Variants in BTBD3 observed in about 807,000 individuals in gnomAD.
BTBD3 encodes BTB/POZ domain-containing protein 3.
A neutral mutation model predicts 41.6 loss-of-function variants in BTBD3; 14 were observed. The ratio of observed to expected loss-of-function variants is 0.34; its 90% confidence interval spans 0.22 to 0.53. The LOEUF (loss-of-function observed/expected upper bound fraction) is 0.53. BTBD3 is among the 20% of genes least tolerant of loss of function. BTBD3 has a pLI of 0.95. For synonymous variants in BTBD3, 249 were observed against 233.7 expected, an observed-to-expected ratio of 1.07 and a Z score of -0.60; for missense variants, 426 against 654.7, an observed-to-expected ratio of 0.65 and a Z score of 3.81.
chr20:11,904,750 AT>A (rs1367427043), intron 1 of BTBD3, among the ~76,000 whole-genome samples: 1 of 152,188 alleles, frequency 6.6e-6, no homozygotes, highest in African/African-American at 2.4e-5. Flanking sequence ...GGAAAAGAAT[AT>A]TTTAATAGCA....
At chr20:11,918,707 C>T in intron 1 of BTBD3, 106 bp downstream of exon 1, 3 of 1,257,014 alleles carry the variant, frequency 2.4e-6, no homozygotes, top group African/African-American at 1.5e-5. Flanking sequence ...TCCTCTTTTC[C>T]CAGAAGCTTT....
intron 1 of BTBD3, among the ~76,000 whole-genome samples, chr20:11,903,662 A>G (rs1289156047): frequency 1.3e-5 from 2 of 151,866 alleles, no homozygotes; most frequent in Non-Finnish European, 2.9e-5. Context: ...GGCTGTATGC[A>G]GTGGCATGAT....
intron 1 of BTBD3, among the ~76,000 whole-genome samples, chr20:11,892,056 A>T (rs1252360042): frequency 1.3e-5 from 2 of 152,220 alleles, no homozygotes; most frequent in African/African-American, 4.8e-5. Flanking sequence ...TTAGTTTCAC[A>T]TAGTAGTAGC....
chr20:11,903,300 C>T (rs1385027642), intron 1 of BTBD3, among the ~76,000 whole-genome samples: 1 of 152,140 alleles, frequency 6.6e-6, no homozygotes, highest in Non-Finnish European at 1.5e-5. Context: ...TTATCTTAAA[C>T]ATTGGCAGCC....
intron 1 of BTBD3, among the ~76,000 whole-genome samples, chr20:11,898,326 A>T (rs2056801762): frequency 6.6e-6 from 1 of 151,958 alleles, no homozygotes; most frequent in Non-Finnish European, 1.5e-5. Flanking sequence ...AGGTCTTTGC[A>T]CTGGACTTTT....
At position 11,918,264 on chromosome 20, in the gene BTBD3, C is replaced by T. The variant is rs766945492; in HGVS notation, c.-12C>T. On this transcript the variant is annotated 5_prime_UTR_variant, in exon 1 of 4. Transcript: ENST00000378226. ...TGGGATATCTAACTCTAAAGAGAGA[C>T]ACACTGTACTCATGGTAGATGACAA... 1.3e-6 allele frequency: 2 copies of T among 1,547,518 alleles called. No individual in the cohort carries two copies. Among genetic ancestry groups the T allele is most frequent in the Non-Finnish European group, 1.7e-6 (2 of 1,155,198 alleles).
chr20:11,925,818 G>A lies in BTBD3; in HGVS notation c.*2152G>A, dbSNP rs1334751490. 1.3e-5 allele frequency: 2 copies of A among 152,612 alleles called. No homozygotes were observed. Among genetic ancestry groups the A allele is most frequent in the African/African-American group, 4.8e-5 (2 of 41,442 alleles). The allele number at this position is 152,612 out of a possible 1,614,324, so 9.5% of individuals were successfully genotyped here. ...GTGCGTTCATTCACTAACGCTCACT[G>A]TCAGTGCCCATGTTTGCTAGCTGCC... On this transcript the variant is annotated 3_prime_UTR_variant, in exon 4 of 4. Coordinates refer to ENST00000378226, the MANE Select transcript of BTBD3 (RefSeq NM_014962.4).
At chr20:11,894,914 G>A (rs1409668719) in intron 1 of BTBD3, among the ~76,000 whole-genome samples, 5 of 152,112 alleles carry the variant, frequency 3.3e-5, no homozygotes, top group Admixed American at 2.0e-4. Flanking sequence ...AGACTTTAAA[G>A]CTGTATGCAT....
intron 1 of BTBD3, among the ~76,000 whole-genome samples, chr20:11,911,565 T>TAA (rs34446930): frequency 1.3e-5 from 2 of 151,762 alleles, no homozygotes; most frequent in Non-Finnish European, 2.9e-5. Context: ...GCCCATGAGC[T>TAA]AAAAAAATTG....
chr20:11,901,760 G>C (rs1011706941), intron 1 of BTBD3, among the ~76,000 whole-genome samples: 1 of 152,160 alleles, frequency 6.6e-6, no homozygotes, highest in African/African-American at 2.4e-5. Context: ...TTGACTAGGT[G>C]GGTGTGGGTT....
upstream of BTBD3, chr20:11,917,823 A>C (rs958167760): frequency 4.5e-6 from 3 of 664,272 alleles, no homozygotes; most frequent in Non-Finnish European, 5.6e-6. Flanking sequence ...GACTTCAGCT[A>C]TTGGCTCGGA....
chr20:11,894,947 T>G (rs1437219945), intron 1 of BTBD3, among the ~76,000 whole-genome samples: 1 of 152,210 alleles, frequency 6.6e-6, no homozygotes, highest in African/African-American at 2.4e-5. Flanking sequence ...ATAATCTTTA[T>G]CTGAAAGGTG....
At chr20:11,920,579 T>C (rs924933145) in intron 3 of BTBD3, among the ~76,000 whole-genome samples, 1 of 152,224 alleles carries the variant, frequency 6.6e-6, no homozygotes, top group Non-Finnish European at 1.5e-5. Flanking sequence ...AAACAGGTTA[T>C]AGAATCAGCT....
exon 1 of BTBD3, chr20:11,890,904 GGGCAAGGCGGCGGAC>G: frequency 1.0e-6 from 1 of 984,960 alleles, no homozygotes; most frequent in South Asian, 4.7e-5. Flanking sequence ...AGCGGGCACA[GGGCAAGGCGGCGGAC>G]GGCTGCGTCG....
upstream of BTBD3, among the ~76,000 whole-genome samples, chr20:11,914,130 G>A (rs1035823128): frequency 1.3e-5 from 2 of 152,148 alleles, no homozygotes; most frequent in Non-Finnish European, 2.9e-5. Context: ...ATGCCTATTG[G>A]AAAGAAATTT....
intron 1 of BTBD3, among the ~76,000 whole-genome samples, chr20:11,898,460 A>G (rs979424736): frequency 2.0e-5 from 3 of 152,214 alleles, no homozygotes. Context: ...TGTCTCTTGC[A>G]GTGCTCTGCA....
chr20:11,908,323 T>TTTTTTTG (rs2056868891), intron 1 of BTBD3, among the ~76,000 whole-genome samples: 1 of 141,890 alleles, frequency 7.0e-6, no homozygotes, highest in South Asian at 2.3e-4. Context: ...TCTCTGTGGT[T>TTTTTTTG]TTTTTTTTTT....
exon 1 of BTBD3, chr20:11,890,877 C>T: frequency 1.0e-6 from 1 of 985,046 alleles, no homozygotes; most frequent in Non-Finnish European, 1.2e-6. Context: ...TCCGAGTGCC[C>T]CGGCCGGGGC....
At chr20:11,904,779 A>G (rs959442167) in intron 1 of BTBD3, among the ~76,000 whole-genome samples, 1 of 152,214 alleles carries the variant, frequency 6.6e-6, no homozygotes, top group Non-Finnish European at 1.5e-5. Context: ...ATGATTGTGG[A>G]TATTTGATAC....
Sources: gnomAD v4.1 joint callset for allele counts (sites outside exome capture counted in the v4.1 genomes callset) on GRCh38, gnomAD v4.1.1 for gene constraint, MANE v1.5 for transcripts, NCBI Gene and HGNC (gene_info 2026-07-23, HGNC 2026-07-21) for gene names.